EFHB: variants seen among roughly 807,000 people sequenced by gnomAD.
The protein encoded by EFHB is EF-hand domain-containing family member B.
EFHB carries 91 observed loss-of-function variants against 87.2 expected under a neutral mutation model. The observed-to-expected ratio is 1.04, with a 90% CI of 0.88 to 1.24. The LOEUF (loss-of-function observed/expected upper bound fraction) is 1.24. EFHB is among the 50% of genes most tolerant of loss of function. The pLI is 0.00. For synonymous variants in EFHB, 325 were observed against 333.6 expected, an observed-to-expected ratio of 0.97 and a Z score of 0.28; for missense variants, 1,084 against 998.8, an observed-to-expected ratio of 1.09 and a Z score of -1.15.
At position 19,934,168 on chromosome 3, in the gene EFHB, T is replaced by C; in HGVS notation, c.-150A>G. ...CTCGGACTCCCTGTCCATTGCTTCCTGCCTGCCTCTTAACACCTAGCCGAG... is the reference window on the plus strand; with the variant it reads ...CTCGGACTCCCTGTCCATTGCTTCCCGCCTGCCTCTTAACACCTAGCCGAG... On this transcript the variant is annotated 5_prime_UTR_variant, in exon 1 of 13. Transcript: ENST00000295824. The C allele has an allele frequency of 1.4e-6, 2 of 1,443,166 alleles. No individual in the cohort carries two copies. Among genetic ancestry groups the C allele is most frequent in the East Asian group, 2.5e-5 (1 of 40,210 alleles). The allele number at this position is 1,443,166 out of a possible 1,614,324, so 89.4% of individuals were successfully genotyped here. A position where few individuals can be genotyped will look rare whatever the true frequency, so the allele number is the denominator to read the frequency against.
chr3:19,918,395 G>C lies in EFHB; in HGVS notation c.1014C>G (p.Asn338Lys), dbSNP rs781117237. The change falls in exon 4 of 13, where the codon AAC becomes AAG. Residue 338 changes from asparagine (N) to lysine (K), a missense_variant. Asn to Lys is a moderately conservative substitution (Grantham distance 94). Coordinates refer to ENST00000295824, the MANE Select transcript of EFHB (RefSeq NM_144715.4). ...KISVLANTLI[N>K]PQPITTFQQK... Reference sequence around the variant, plus strand: ...GTTGAAATGTGGTAATAGGCTGTGGGTTTATCAATGTGTTTGCCTAAAGAA... The same window carrying C: ...GTTGAAATGTGGTAATAGGCTGTGGCTTTATCAATGTGTTTGCCTAAAGAA... 6.3e-7 allele frequency: 1 copy of C among 1,596,646 alleles called. No individual in the cohort carries two copies. Among genetic ancestry groups the C allele is most frequent in the Non-Finnish European group, 8.5e-7 (1 of 1,174,730 alleles).
chr3:19,881,258 T>C (rs1397029390), intron 12 of EFHB, among the ~76,000 whole-genome samples: 1 of 152,158 alleles, frequency 6.6e-6, no homozygotes, highest in Non-Finnish European at 1.5e-5. Flanking sequence ...TCCCAGACCT[T>C]CTCCCCTGCT....
chr3:19,897,823 C>G (rs1211299829), intron 8 of EFHB, among the ~76,000 whole-genome samples: 1 of 152,176 alleles, frequency 6.6e-6, no homozygotes, highest in Non-Finnish European at 1.5e-5. Flanking sequence ...AAAACAGAAC[C>G]CAAATACAAT....
upstream of EFHB, among the ~76,000 whole-genome samples, chr3:19,935,827 T>C (rs1696000313): frequency 6.6e-6 from 1 of 151,780 alleles, no homozygotes; most frequent in South Asian, 2.1e-4. Context: ...CTGGCCAACA[T>C]GGTGAAACCC....
At chr3:19,921,317 G>C (rs1005211004) in intron 1 of EFHB, among the ~76,000 whole-genome samples, 4 of 152,030 alleles carry the variant, frequency 2.6e-5, no homozygotes, top group African/African-American at 9.7e-5. Flanking sequence ...TAGGGTTTAA[G>C]AGACTGTCTT....
At chr3:19,905,058 C>T (rs1378652244) in intron 6 of EFHB, among the ~76,000 whole-genome samples, 1 of 152,142 alleles carries the variant, frequency 6.6e-6, no homozygotes, top group Non-Finnish European at 1.5e-5. Context: ...TTGAGTGATG[C>T]TCAGGTGCCC....
chr3:19,882,626 G>A lies in EFHB; in HGVS notation c.2252C>T (p.Ser751Leu), dbSNP rs552240649. Residue 751 changes from serine (S) to leucine (L), a missense_variant, in exon 12 of 13, where the codon TCA becomes TTA. Transcript: ENST00000295824. ...GGCAAAAATGGTAGGATATAGTAGT[G>A]AATATGCACTACCTTCTTCACCATA... ...TNYGEEGSAY[S>L]LLYPTIFARK... is the part of the protein sequence containing the mutation. 6.4e-5 allele frequency: 103 copies of A among 1,613,394 alleles called. 1 individual carries two copies. The South Asian group carries it at 1.1e-3, about 17-fold the overall frequency.
intron 9 of EFHB, among the ~76,000 whole-genome samples, chr3:19,893,270 G>T (rs2125125326): frequency 6.6e-6 from 1 of 152,216 alleles, no homozygotes; most frequent in Non-Finnish European, 1.5e-5. Context: ...TAGACCTTTT[G>T]TTAGGAAAGG....
Position 19,896,782 on chromosome 3 carries a change from G to C in EFHB, c.1630C>G (p.Gln544Glu), listed in dbSNP as rs772430629. The C allele has an allele frequency of 3.1e-6, 5 of 1,613,998 alleles. No homozygotes were observed. The highest frequency in any genetic ancestry group is 4.2e-6 in the Non-Finnish European group (5 of 1,179,898). Residue 544 changes from glutamine (Q) to glutamate (E), a missense_variant, in exon 9 of 13, where the codon CAG (glutamine) becomes GAG (glutamate). Physicochemically the swap from Gln to Glu is conservative, Grantham distance 29. Coordinates refer to ENST00000295824, the MANE Select transcript of EFHB (RefSeq NM_144715.4). ...PDEYLRGKDR[Q>E]RALIAAVRHH... ...CGAACTGCTGCAATCAGGGCTCGCT[G>C]TCTATCCTTGCCTCGAAGATATTCA...
chr3:19,915,036 G>A (rs1695178337), intron 5 of EFHB, among the ~76,000 whole-genome samples: 1 of 151,774 alleles, frequency 6.6e-6, no homozygotes, highest in South Asian at 2.1e-4. Flanking sequence ...AGACTGCAAT[G>A]AACCATGATC....
intron 1 of EFHB, 61 bp from the exon 2 acceptor site, chr3:19,920,628 G>C: frequency 7.2e-7 from 1 of 1,386,006 alleles, no homozygotes; most frequent in Non-Finnish European, 9.9e-7. Flanking sequence ...TTTGAAGAAT[G>C]AAATTTATTT....
chr3:19,895,777 A>C (rs1194631318), intron 9 of EFHB, among the ~76,000 whole-genome samples: 1 of 152,164 alleles, frequency 6.6e-6, no homozygotes, highest in Non-Finnish European at 1.5e-5. Context: ...GTCAAGACTG[A>C]GTTTCTTATA....
intron 1 of EFHB, among the ~76,000 whole-genome samples, chr3:19,925,241 CAAA>C (rs968867573): frequency 4.8e-5 from 3 of 62,054 alleles, no homozygotes; most frequent in African/African-American, 4.9e-5. Flanking sequence ...GACTCCTTCT[CAAA>C]AAAAAAAAAA....
At chr3:19,908,093 T>G (rs1224680100) in intron 5 of EFHB, among the ~76,000 whole-genome samples, 1 of 152,176 alleles carries the variant, frequency 6.6e-6, no homozygotes, top group Non-Finnish European at 1.5e-5. Flanking sequence ...TTTGTAATAG[T>G]GAAAATATAA....
intron 8 of EFHB, among the ~76,000 whole-genome samples, chr3:19,898,125 T>C (rs1056010462): frequency 6.6e-6 from 1 of 152,226 alleles, no homozygotes; most frequent in Non-Finnish European, 1.5e-5. Flanking sequence ...TTTTTCCCTT[T>C]GGATATCTGC....
intron 9 of EFHB, 55 bp from the exon 10 acceptor site, chr3:19,888,706 T>C (rs1454887095): frequency 7.4e-7 from 1 of 1,358,186 alleles, no homozygotes; most frequent in African/African-American, 1.5e-5. Flanking sequence ...AAGAGCAGAG[T>C]AGGCAACATT....
At position 19,920,978 on chromosome 3, in the gene EFHB, C is replaced by T. The variant is rs150702848; in HGVS notation, c.790-411G>A. Among the ~76,000 whole-genome samples the T allele has an allele frequency of 2.3e-3, 344 of 152,030 alleles. 3 individuals carry two copies. The highest frequency in any genetic ancestry group is 6.8e-3 in the African/African-American group (283 of 41,470). ...GGAGGGTTTCTCATGGCCAGGAGTT[C>T]GAGGCTACAGTGAGCTGTGATCACA... On this transcript the variant is annotated intron_variant, in intron 1 of 12. Transcript: ENST00000295824.
chr3:19,920,953 G>A (rs1695417600), intron 1 of EFHB, among the ~76,000 whole-genome samples: 1 of 152,070 alleles, frequency 6.6e-6, no homozygotes, highest in African/African-American at 2.4e-5. Flanking sequence ...GGCCAAGAAG[G>A]GAGGGTTTCT....
rs1377625778 is a variant in EFHB, at chr3:19,882,586, A to T, written c.2292T>A (p.Phe764Leu). ...ATCTGGTCTTGAAGAAGTCTCTTTC[A>T]AACACTCCTTTCCGGGCAAAAATGG... ...YPTIFARKGVFERDFFKTRSK... is the reference protein window; with the variant it reads ...YPTIFARKGVLERDFFKTRSK... Residue 764 changes from phenylalanine (F) to leucine (L), a missense_variant, in exon 12 of 13, where the codon TTT (phenylalanine) becomes TTA (leucine). Coordinates refer to ENST00000295824, the MANE Select transcript of EFHB (RefSeq NM_144715.4). 1 of 1,610,988 alleles carries T rather than the reference A, an allele frequency of 6.2e-7. No homozygotes were observed.
Sources: gnomAD v4.1 joint callset for allele counts (sites outside exome capture counted in the v4.1 genomes callset) on GRCh38, gnomAD v4.1.1 for gene constraint, MANE v1.5 for transcripts, NCBI Gene and HGNC (gene_info 2026-07-23, HGNC 2026-07-21) for gene names.